The following MAPK8IP3 variants were observed in gnomAD, a reference collection of about 807,000 sequenced individuals.
MAPK8IP3 encodes the protein mitogen-activated protein kinase 8 interacting protein 3, also known as C-Jun-amino-terminal kinase-interacting protein 3.
MAPK8IP3 carries 49 observed loss-of-function variants against 157.8 expected under a neutral mutation model. That is an observed-to-expected ratio of 0.31 (90% confidence interval 0.25 to 0.39). The LOEUF (loss-of-function observed/expected upper bound fraction) is 0.39. Among genes scored for constraint, MAPK8IP3 ranks in the 10% least tolerant of loss-of-function variants. The pLI, the probability that MAPK8IP3 is intolerant of heterozygous loss-of-function variation, is 1.00. For synonymous variants in MAPK8IP3, 897 were observed against 777.7 expected, an observed-to-expected ratio of 1.15 and a Z score of -2.55; for missense variants, 1,478 against 1,889.4, an observed-to-expected ratio of 0.78 and a Z score of 4.04.
At chr16:1,757,261 G>A (rs1191729822) in intron 8 of MAPK8IP3, among the ~76,000 whole-genome samples, 2 of 152,082 alleles carry the variant, frequency 1.3e-5, no homozygotes, top group Non-Finnish European at 2.9e-5. Flanking sequence ...CCCGCTACCA[G>A]GTCTGGCTGA....
Position 1,760,434 on chromosome 16 carries a change from C to T in MAPK8IP3, c.1359C>T (p.Ser453=), listed in dbSNP as rs763595392. Residue 453 remains serine (S), a synonymous_variant, in exon 12 of 32, where the codon TCC becomes TCT. Coordinates refer to ENST00000610761, the MANE Select transcript of MAPK8IP3 (RefSeq NM_001318852.2). ...TGATTGCCAAGGTCGACCAGCTGTCCGGGGAGCAGGAGGTGCTGAGGGGCG... is the reference window on the plus strand; with the variant it reads ...TGATTGCCAAGGTCGACCAGCTGTCTGGGGAGCAGGAGGTGCTGAGGGGCG... ...NDLIAKVDQL[S]GEQEVLRGEL... 63 of 1,613,790 alleles carry T rather than the reference C, an allele frequency of 3.9e-5. No individual in the cohort carries two copies. In the Middle Eastern group the frequency reaches 8.2e-4, roughly 21 times the overall value.
chr16:1,762,494 G>T lies in MAPK8IP3; in HGVS notation c.1670+13G>T, dbSNP rs1348505547. 4 of 1,611,278 alleles carry T rather than the reference G, an allele frequency of 2.5e-6. No individual in the cohort carries two copies. Among genetic ancestry groups the T allele is most frequent in the Non-Finnish European group, 3.4e-6 (4 of 1,179,074 alleles). On this transcript the variant is annotated intron_variant, in intron 14 of 31. Transcript: ENST00000610761. ...CTGAGATGATCAGGTGGGAGTTGCGGCCACCCCAGGAGGGGCTGCGGGATC... is the reference window on the plus strand; with the variant it reads ...CTGAGATGATCAGGTGGGAGTTGCGTCCACCCCAGGAGGGGCTGCGGGATC...
At chr16:1,739,868 CTGTGAGCATCCG>C (rs2040527924) in intron 4 of MAPK8IP3, among the ~76,000 whole-genome samples, 1 of 57,774 alleles carries the variant, frequency 1.7e-5, no homozygotes, top group Non-Finnish European at 3.2e-5. Context: ...CCGTGTGAGC[CTGTGAGCATCCG>C]TGTGACCGTC....
At chr16:1,746,832 G>A (rs926917516) in intron 5 of MAPK8IP3, 197 bp from the exon 6 acceptor site, 7 of 629,660 alleles carry the variant, frequency 1.1e-5, no homozygotes, top group African/African-American at 1.8e-5. Flanking sequence ...GTCAGTGGCC[G>A]GATAAGCAGA....
intron 5 of MAPK8IP3, chr16:1,744,419 G>T (rs919667979): frequency 8.1e-6 from 8 of 985,702 alleles, no homozygotes; most frequent in African/African-American, 1.7e-5. Context: ...GCTGCTGCAG[G>T]CTCCTGCTCC....
intron 20 of MAPK8IP3, 93 bp downstream of exon 20, chr16:1,765,271 G>A (rs1217757098): frequency 1.1e-5 from 15 of 1,413,630 alleles, no homozygotes; most frequent in East Asian, 2.5e-5. Flanking sequence ...CTGCCTTCTC[G>A]GGGTGTCCTG....
chr16:1,744,396 C>T (rs1040053638), intron 5 of MAPK8IP3: 30 of 985,736 alleles, frequency 3.0e-5, no homozygotes, highest in Admixed American at 1.2e-4. Context: ...AAGTGTCCAT[C>T]GTGCCTGTGG....
At chr16:1,756,679 G>C (rs576783710) in intron 8 of MAPK8IP3, among the ~76,000 whole-genome samples, 1 of 148,218 alleles carries the variant, frequency 6.7e-6, no homozygotes, top group East Asian at 2.0e-4. Flanking sequence ...CAAATTAGCC[G>C]GGCGTGGTGG....
At chr16:1,759,103 C>T (rs2041787471) in intron 10 of MAPK8IP3, 108 bp downstream of exon 10, 19 of 1,475,096 alleles carry the variant, frequency 1.3e-5, no homozygotes, top group Middle Eastern at 3.4e-4. Flanking sequence ...GTGTTGGGGC[C>T]GCCGGGGTCA....
chr16:1,738,390 G>A lies in MAPK8IP3; in HGVS notation c.603-4942G>A, dbSNP rs1175367176. Among the ~76,000 whole-genome samples the A allele has an allele frequency of 1.3e-4, 14 of 105,950 alleles. 1 individual carries two copies. The highest frequency in any genetic ancestry group is 5.2e-4 in the South Asian group (1 of 1,934). 69.5% of individuals were successfully genotyped at this position (105,950 alleles called of 152,430 possible). Reference sequence around the variant, plus strand: ...AGTGTGACCATCCATGTGAGCATCCGTGTGACCGTGTGAGCGTCCGTGTGA... The same window carrying A: ...AGTGTGACCATCCATGTGAGCATCCATGTGACCGTGTGAGCGTCCGTGTGA... On this transcript the variant is annotated intron_variant, in intron 4 of 31. Coordinates refer to ENST00000610761, the MANE Select transcript of MAPK8IP3 (RefSeq NM_001318852.2).
In MAPK8IP3 at chr16:1,768,708, G is replaced by A. The variant is rs202070446; in HGVS notation, c.3898G>A (p.Gly1300Arg). The A allele has an allele frequency of 1.2e-5, 19 of 1,611,834 alleles. No homozygotes were observed. Among genetic ancestry groups the A allele is most frequent in the African/African-American group, 9.4e-5 (7 of 74,858 alleles). The change falls in exon 32 of 32, where the codon GGA becomes AGA. Residue 1300 changes from glycine to arginine, a missense_variant. Gly to Arg is a moderately radical substitution (Grantham distance 125). Around this residue, in one of 11 missense-constraint regions of MAPK8IP3, gnomAD observed 133 missense variants for 133.4 expected, o/e 1.00. Transcript: ENST00000610761. The stretch of plus-strand genomic sequence containing the variant: ...CTCTGCTGCTTTGCCCGCAGGAGAC[G>A]GAGAGGACGACGAGACGGAGGAGGG... Reference protein sequence around the residue: ...EGYIDFRIGDGEDDETEEGAG... With the variant: ...EGYIDFRIGDREDDETEEGAG...
intron 5 of MAPK8IP3, chr16:1,744,352 T>C: frequency 1.0e-6 from 1 of 985,996 alleles, no homozygotes; most frequent in Non-Finnish European, 1.2e-6. Flanking sequence ...GCTTACTTCC[T>C]GCTGCATGCT....
At chr16:1,739,891 C>T (rs543732431) in intron 4 of MAPK8IP3, among the ~76,000 whole-genome samples, 120 of 108,094 alleles carry the variant, frequency 1.1e-3, no homozygotes, top group Non-Finnish European at 1.5e-3. Context: ...TGTGACCGTC[C>T]GTGTGAGCAT....
intron 9 of MAPK8IP3, 91 bp downstream of exon 9, chr16:1,758,250 C>T: frequency 1.4e-6 from 2 of 1,460,976 alleles, no homozygotes; most frequent in Non-Finnish European, 1.9e-6. Flanking sequence ...GTCACCGTGG[C>T]TGTGTGGACT....
chr16:1,735,146 G>T (rs964630108), intron 4 of MAPK8IP3: 1 of 151,822 alleles, frequency 6.6e-6, no homozygotes, highest in Admixed American at 6.6e-5. Context: ...GTCCCTCTTG[G>T]GTGCCTGTGT....
chr16:1,768,167 G>C, intron 29 of MAPK8IP3, 32 bp from the exon 30 acceptor site: 1 of 1,611,874 alleles, frequency 6.2e-7, no homozygotes, highest in Non-Finnish European at 8.5e-7. Context: ...ACCTGTATGC[G>C]GGCTCAGCGC....
intron 4 of MAPK8IP3, among the ~76,000 whole-genome samples, chr16:1,739,207 CGTCCGT>C: frequency 8.2e-6 from 1 of 122,298 alleles, no homozygotes; most frequent in Non-Finnish European, 1.6e-5. Context: ...TCCGTGTGAG[CGTCCGT>C]GTGAGCGTGT....
Position 1,762,971 on chromosome 16 carries a change from G to T in MAPK8IP3, c.1863G>T (p.Ser621=), listed in dbSNP as rs2294616. ...QRRNHAMCPI[S]AGSRPLEFFP... ...GCAACCATGCCATGTGCCCGATCTCGGCAGGCAGCCGGCCCCTGGAATTCT... is the reference window on the plus strand; with the variant it reads ...GCAACCATGCCATGTGCCCGATCTCTGCAGGCAGCCGGCCCCTGGAATTCT... The change falls in exon 16 of 32, where the codon TCG becomes TCT. Residue 621 remains serine, a synonymous_variant. Transcript: ENST00000610761. 4.5e-5 allele frequency: 72 copies of T among 1,612,698 alleles called. No homozygotes were observed. Among genetic ancestry groups the T allele is most frequent in the Non-Finnish European group, 6.0e-5 (71 of 1,179,972 alleles).
chr16:1,727,366 CGT>C (rs1469273034), intron 2 of MAPK8IP3, among the ~76,000 whole-genome samples: 1 of 151,802 alleles, frequency 6.6e-6, no homozygotes, highest in Non-Finnish European at 1.5e-5. Context: ...GTCTGTGAGC[CGT>C]GTGTTATTTA....
Sources: allele counts gnomAD v4.1 joint callset (sites outside exome capture counted in the v4.1 genomes callset), GRCh38; gene constraint gnomAD v4.1.1; regional missense constraint gnomAD v4.1.1; transcripts MANE v1.5; gene names NCBI Gene and HGNC (gene_info 2026-07-23, HGNC 2026-07-21).